Variants in GLIS3 observed in about 807,000 individuals in gnomAD.
GLIS3 encodes GLIS family zinc finger 3.
In GLIS3, 53 loss-of-function variants were observed where a neutral mutation model predicts 78.6. The ratio of observed to expected loss-of-function variants is 0.67; its 90% CI spans 0.54 to 0.85. GLIS3 has a LOEUF of 0.85. Ranked by LOEUF, GLIS3 falls within the 40% of genes least tolerant of loss-of-function variation. GLIS3 has a pLI of 0.00. For synonymous variants in GLIS3, 684 were observed against 509.9 expected, an observed-to-expected ratio of 1.34 and a Z score of -4.60; for missense variants, 1,703 against 1,231.1, an observed-to-expected ratio of 1.38 and a Z score of -5.74.
intron 8 of GLIS3, among the ~76,000 whole-genome samples, chr9:3,860,705 A>G (rs1820158189): frequency 2.0e-5 from 3 of 152,208 alleles, no homozygotes; most frequent in South Asian, 4.1e-4. Context: ...GTAAACAAGT[A>G]AATTCCCCAC....
chr9:4,097,779 A>G (rs1830075104), intron 4 of GLIS3, among the ~76,000 whole-genome samples: 1 of 152,212 alleles, frequency 6.6e-6, no homozygotes, highest in Admixed American at 6.5e-5. Flanking sequence ...TATTGAGATC[A>G]TATCCTAAGA....
chr9:4,457,184 G>C, the GLIS3 span, among the ~76,000 whole-genome samples: 1 of 151,938 alleles, frequency 6.6e-6, no homozygotes, highest in Non-Finnish European at 1.5e-5. Flanking sequence ...GCAATATAGT[G>C]AGACCCTGTC....
At chr9:4,428,471 G>A in the GLIS3 span, among the ~76,000 whole-genome samples, 3 of 121,200 alleles carry the variant, frequency 2.5e-5, no homozygotes, top group African/African-American at 9.4e-5. Context: ...GTGACAGAGT[G>A]AGACTCTGTC....
At chr9:4,113,243 A>C (rs753727746) in intron 4 of GLIS3, among the ~76,000 whole-genome samples, 1 of 152,090 alleles carries the variant, frequency 6.6e-6, no homozygotes, top group Non-Finnish European at 1.5e-5. Context: ...CGGTTTATTG[A>C]CTTATCTATG....
intron 4 of GLIS3, among the ~76,000 whole-genome samples, chr9:4,085,653 G>A (rs1294977129): frequency 1.3e-5 from 2 of 152,174 alleles, no homozygotes; most frequent in Non-Finnish European, 2.9e-5. Flanking sequence ...CTGGTGGGAG[G>A]TGACTAGCTT....
chr9:4,195,708 C>T (rs536973988), intron 2 of GLIS3, among the ~76,000 whole-genome samples: 11 of 152,390 alleles, frequency 7.2e-5, no homozygotes, highest in East Asian at 5.8e-4. Flanking sequence ...GGCCACAGCG[C>T]GGGATCCACT....
At chr9:4,387,227 A>C in the GLIS3 span, among the ~76,000 whole-genome samples, 11 of 152,290 alleles carry the variant, frequency 7.2e-5, no homozygotes, top group African/African-American at 2.4e-4. Flanking sequence ...TAGCATGAGC[A>C]ATTCTATTTT....
At chr9:4,014,062 C>G (rs571785220) in intron 4 of GLIS3, among the ~76,000 whole-genome samples, 1 of 152,286 alleles carries the variant, frequency 6.6e-6, no homozygotes, top group African/African-American at 2.4e-5. Context: ...GAAGAGGCTT[C>G]ACATGTGGCC....
intron 2 of GLIS3, among the ~76,000 whole-genome samples, chr9:4,218,411 TG>T (rs1166368146): frequency 2.0e-5 from 3 of 152,164 alleles, no homozygotes; most frequent in Non-Finnish European, 4.4e-5. Flanking sequence ...CCTGAGTAGC[TG>T]GGACTACAGG....
At chr9:4,363,243 T>C in the GLIS3 span, among the ~76,000 whole-genome samples, 1 of 152,092 alleles carries the variant, frequency 6.6e-6, no homozygotes, top group African/African-American at 2.4e-5. Flanking sequence ...GCCAACATGG[T>C]AAAACCCCGT....
intron 2 of GLIS3, among the ~76,000 whole-genome samples, chr9:4,243,802 TG>T (rs1823552315): frequency 6.6e-6 from 1 of 152,210 alleles, no homozygotes; most frequent in Non-Finnish European, 1.5e-5. Flanking sequence ...CTGTCGAGTT[TG>T]TAACTACCAC....
At chr9:3,842,333 A>G (rs180730126) in intron 9 of GLIS3, among the ~76,000 whole-genome samples, 3 of 152,264 alleles carry the variant, frequency 2.0e-5, no homozygotes, top group Non-Finnish European at 4.4e-5. Flanking sequence ...TTAGTCTGGT[A>G]TGGTGGTGGG....
At chr9:4,254,929 T>G (rs1416801123) in intron 2 of GLIS3, among the ~76,000 whole-genome samples, 1 of 150,392 alleles carries the variant, frequency 6.6e-6, no homozygotes, top group Non-Finnish European at 1.5e-5. Context: ...TAAGAGAAAA[T>G]ATTTGCAAAA....
chr9:4,416,479 A>C, the GLIS3 span, among the ~76,000 whole-genome samples: 1 of 152,144 alleles, frequency 6.6e-6, no homozygotes, highest in African/African-American at 2.4e-5. Context: ...TAAAAGGTTT[A>C]TAAAGATTAA....
chr9:4,316,517 A>T (rs569120941), intron 2 of GLIS3, among the ~76,000 whole-genome samples: 29 of 152,354 alleles, frequency 1.9e-4, no homozygotes, highest in African/African-American at 7.0e-4. Context: ...GGCCAGATTC[A>T]CTGTGTGGAG....
At chr9:3,891,838 C>T (rs1469657750) in intron 7 of GLIS3, among the ~76,000 whole-genome samples, 1 of 152,156 alleles carries the variant, frequency 6.6e-6, no homozygotes, top group Admixed American at 6.5e-5. Context: ...GCTGATGCAT[C>T]GCATCTTTCA....
At chr9:4,037,607 C>A (rs1320651870) in intron 4 of GLIS3, among the ~76,000 whole-genome samples, 2 of 147,774 alleles carry the variant, frequency 1.4e-5, no homozygotes, top group African/African-American at 2.6e-5. Flanking sequence ...CCTGGGGGAA[C>A]TTTCACAGGC....
intron 2 of GLIS3, among the ~76,000 whole-genome samples, chr9:4,159,595 T>C (rs964985953): frequency 1.3e-5 from 2 of 152,136 alleles, no homozygotes; most frequent in Admixed American, 1.3e-4. Flanking sequence ...GGCACATGCC[T>C]GTAATTCCAG....
the GLIS3 span, among the ~76,000 whole-genome samples, chr9:4,417,835 T>A: frequency 3.9e-5 from 6 of 152,230 alleles, no homozygotes; most frequent in Admixed American, 3.9e-4. Context: ...GACTTTAAAG[T>A]GAGTTTTAGG....
Sources: gnomAD v4.1 joint callset for allele counts (sites outside exome capture counted in the v4.1 genomes callset) on GRCh38, gnomAD v4.1.1 for gene constraint, MANE v1.5 for transcripts, NCBI Gene and HGNC (gene_info 2026-07-23, HGNC 2026-07-21) for gene names.